The following TAOK1 variants were observed in gnomAD, a reference collection of about 807,000 sequenced individuals.
The protein encoded by TAOK1 is TAO kinase 1.
In TAOK1, 21 loss-of-function variants were observed where a neutral mutation model predicts 138.3. The observed-to-expected ratio is 0.15, with a 90% CI of 0.11 to 0.22. The LOEUF is 0.22. Ranked by LOEUF, TAOK1 falls within the 10% of genes least tolerant of loss-of-function variation. The pLI, the probability that TAOK1 is intolerant of heterozygous loss-of-function variation, is 1.00. For synonymous variants in TAOK1, 361 were observed against 398.4 expected, an observed-to-expected ratio of 0.91 and a Z score of 1.12; for missense variants, 651 against 1,227.7, an observed-to-expected ratio of 0.53 and a Z score of 7.02.
intron 1 of TAOK1, among the ~76,000 whole-genome samples, chr17:29,448,759 A>G (rs972354699): frequency 1.3e-5 from 2 of 152,210 alleles, no homozygotes; most frequent in Non-Finnish European, 2.9e-5. Context: ...AGTTACATAG[A>G]AGATAATTAA....
chr17:29,453,559 G>A (rs1206466672), intron 2 of TAOK1, among the ~76,000 whole-genome samples: 1 of 150,328 alleles, frequency 6.7e-6, no homozygotes, highest in African/African-American at 2.4e-5. Context: ...CCTATTTTGA[G>A]TTAGATTTTT....
At chr17:29,451,430 A>C in intron 1 of TAOK1, 25 bp from the exon 2 acceptor site, 3 of 1,287,746 alleles carry the variant, frequency 2.3e-6, no homozygotes, top group Non-Finnish European at 3.1e-6. Context: ...GCCTTTTCTG[A>C]CTTTTTTTTT....
chr17:29,550,265 G>T lies in TAOK1; in HGVS notation c.*7243G>T, dbSNP rs550484044. ...TAGGGAACTCTTTTGCAAAAGCAAT[G>T]GTCGGATGTAAATAACATTTAAAGT... is the stretch of plus-strand genomic sequence containing the variant. On this transcript the variant is annotated 3_prime_UTR_variant, in exon 20 of 20. Coordinates refer to ENST00000261716, the MANE Select transcript of TAOK1 (RefSeq NM_020791.4). 5.8e-4 allele frequency: 88 copies of T among 152,278 alleles called. No homozygotes were observed. Among genetic ancestry groups the T allele is most frequent in the African/African-American group, 2.0e-3 (84 of 41,570 alleles). The allele number at this position is 152,278 out of a possible 1,614,324, so 9.4% of individuals were successfully genotyped here.
intron 1 of TAOK1, among the ~76,000 whole-genome samples, chr17:29,447,911 C>A (rs150110564): frequency 4.7e-5 from 7 of 149,750 alleles, no homozygotes; most frequent in African/African-American, 1.7e-4. Context: ...CCGCCTCAGC[C>A]TCCCAAAGTG....
intron 3 of TAOK1, 118 bp from the exon 4 acceptor site, chr17:29,475,552 A>G: frequency 1.4e-6 from 1 of 700,582 alleles, no homozygotes; most frequent in Non-Finnish European, 2.3e-6. Context: ...AATAAGTAAA[A>G]CCAAGCAAAG....
At chr17:29,440,060 A>G (rs1405360276) in intron 1 of TAOK1, among the ~76,000 whole-genome samples, 1 of 152,064 alleles carries the variant, frequency 6.6e-6, no homozygotes, top group Non-Finnish European at 1.5e-5. Context: ...TACTTTGCAA[A>G]GTTGTAACAC....
chr17:29,486,169 G>T (rs951939575), intron 8 of TAOK1, among the ~76,000 whole-genome samples: 29 of 152,100 alleles, frequency 1.9e-4, no homozygotes, highest in African/African-American at 7.0e-4. Context: ...TGCACCTGTA[G>T]TCCCAGCTGC....
chr17:29,431,416 C>T (rs946812325), intron 1 of TAOK1, among the ~76,000 whole-genome samples: 15 of 151,702 alleles, frequency 9.9e-5, no homozygotes, highest in East Asian at 7.7e-4. Flanking sequence ...CACTCCAACC[C>T]GGGCAACGGA....
intron 1 of TAOK1, among the ~76,000 whole-genome samples, chr17:29,412,428 C>G (rs1231682685): frequency 1.6e-5 from 1 of 62,130 alleles, no homozygotes; most frequent in Non-Finnish European, 2.9e-5. Context: ...CTCATCTCTT[C>G]TTTTTCTCTG....
intron 11 of TAOK1, among the ~76,000 whole-genome samples, chr17:29,497,728 AAAG>A (rs1481142500): frequency 4.1e-4 from 62 of 151,512 alleles, no homozygotes; most frequent in African/African-American, 1.3e-3. Context: ...AAAAAAAAAA[AAAG>A]AAAGACAAGA....
At chr17:29,497,753 G>GA (rs1464263418) in intron 11 of TAOK1, among the ~76,000 whole-genome samples, 7 of 148,594 alleles carry the variant, frequency 4.7e-5, no homozygotes, top group African/African-American at 1.7e-4. Context: ...AGGTAATCTA[G>GA]AGACTATGTT....
intron 1 of TAOK1, among the ~76,000 whole-genome samples, chr17:29,449,679 A>G (rs1401075212): frequency 6.6e-6 from 1 of 152,058 alleles, no homozygotes; most frequent in African/African-American, 2.4e-5. Context: ...CATCTCTACT[A>G]AAAATACAAA....
At chr17:29,542,303 T>C (rs1598532834) in intron 19 of TAOK1, among the ~76,000 whole-genome samples, 1 of 152,158 alleles carries the variant, frequency 6.6e-6, no homozygotes, top group African/African-American at 2.4e-5. Flanking sequence ...ATTCAAGTTA[T>C]GGGTGCACTA....
intron 12 of TAOK1, among the ~76,000 whole-genome samples, chr17:29,499,404 G>A (rs1192120840): frequency 6.7e-6 from 1 of 150,314 alleles, no homozygotes; most frequent in Admixed American, 6.6e-5. Context: ...GCTAATTTTT[G>A]TATTCTTAGT....
intron 2 of TAOK1, among the ~76,000 whole-genome samples, chr17:29,454,834 TGGGACTACA>T (rs2030334674): frequency 6.6e-6 from 1 of 152,152 alleles, no homozygotes; most frequent in Non-Finnish European, 1.5e-5. Context: ...CTCAAGTAGC[TGGGACTACA>T]GGAGCATGCC....
chr17:29,496,100 A>T (rs574437960), intron 11 of TAOK1, among the ~76,000 whole-genome samples: 23 of 151,392 alleles, frequency 1.5e-4, no homozygotes, highest in Admixed American at 1.2e-3. Context: ...TTTATTTTTT[A>T]ATTTTTTTGT....
At chr17:29,406,914 G>A (rs114172751) in intron 1 of TAOK1, among the ~76,000 whole-genome samples, 402 of 152,280 alleles carry the variant, frequency 2.6e-3, no homozygotes, top group Middle Eastern at 0.01. Flanking sequence ...ATGCAGCAAA[G>A]TGCATAAATA....
chr17:29,464,720 A>C (rs1328454996), intron 2 of TAOK1, among the ~76,000 whole-genome samples: 2 of 152,136 alleles, frequency 1.3e-5, no homozygotes, highest in South Asian at 2.1e-4. Context: ...CTTTACAGTG[A>C]ATGGTACAGG....
intron 1 of TAOK1, among the ~76,000 whole-genome samples, chr17:29,415,478 C>G (rs573015729): frequency 5.7e-4 from 86 of 152,188 alleles, no homozygotes; most frequent in African/African-American, 2.0e-3. Flanking sequence ...TATGAAGGTT[C>G]CAGTTTCTCC....
Sources: gnomAD v4.1 joint callset for allele counts (sites outside exome capture counted in the v4.1 genomes callset) on GRCh38, gnomAD v4.1.1 for gene constraint, MANE v1.5 for transcripts, NCBI Gene and HGNC (gene_info 2026-07-23, HGNC 2026-07-21) for gene names.